The following RANBP17 variants were observed in gnomAD, a reference collection of about 807,000 sequenced individuals.
RANBP17 encodes RAN binding protein 17.
In RANBP17, 158 loss-of-function variants were observed where a neutral mutation model predicts 141.2. That is an observed-to-expected ratio of 1.12 (90% CI 0.98 to 1.28). RANBP17 has a LOEUF of 1.28. RANBP17 is among the 50% of genes most tolerant of loss of function. The pLI is 0.00. For missense variants in RANBP17, 1,438 were observed against 1,290.7 expected, an observed-to-expected ratio of 1.11 and a Z score of -1.75; for synonymous variants, 430 against 450.0, an observed-to-expected ratio of 0.96 and a Z score of 0.56.
chr5:170,968,754 T>C (rs1426605247), intron 14 of RANBP17: 1 of 455,010 alleles, frequency 2.2e-6, no homozygotes, highest in Non-Finnish European at 4.4e-6. Flanking sequence ...TATATTTCAC[T>C]AATTTCTTGG....
intron 14 of RANBP17, among the ~76,000 whole-genome samples, chr5:170,985,236 T>C (rs1021952602): frequency 3.9e-5 from 6 of 152,192 alleles, no homozygotes; most frequent in Non-Finnish European, 1.5e-5. Flanking sequence ...AATCCCTTTA[T>C]TCAAGCTTAC....
At chr5:170,902,290 C>G (rs1367879234) in intron 5 of RANBP17, among the ~76,000 whole-genome samples, 1 of 152,046 alleles carries the variant, frequency 6.6e-6, no homozygotes, top group Non-Finnish European at 1.5e-5. Context: ...TCTCTGATAT[C>G]CTTTCTTCCT....
intron 14 of RANBP17, among the ~76,000 whole-genome samples, chr5:170,985,713 A>T (rs964888831): frequency 5.3e-5 from 8 of 152,154 alleles, no homozygotes; most frequent in Non-Finnish European, 1.2e-4. Flanking sequence ...ATTCCAATTG[A>T]AGGATGTCAT....
intron 14 of RANBP17, among the ~76,000 whole-genome samples, chr5:171,134,094 A>G (rs1002456619): frequency 2.6e-5 from 4 of 152,206 alleles, no homozygotes; most frequent in African/African-American, 4.8e-5. Context: ...CCTAAATGGA[A>G]TATGCTGTTT....
At chr5:171,073,084 T>C (rs1022470590) in intron 14 of RANBP17, among the ~76,000 whole-genome samples, 3 of 152,138 alleles carry the variant, frequency 2.0e-5, no homozygotes, top group Non-Finnish European at 2.9e-5. Context: ...AGGGGTGTGA[T>C]AGAACTGTTG....
chr5:170,981,224 A>G (rs6867792), intron 14 of RANBP17, among the ~76,000 whole-genome samples: 97,817 of 152,098 alleles, frequency 0.64, 32,163 homozygotes, highest in South Asian at 0.89. Context: ...AGGCAGAAGG[A>G]ACTTGCCTTA....
chr5:170,929,212 C>T (rs555560938), intron 12 of RANBP17, among the ~76,000 whole-genome samples: 4 of 152,006 alleles, frequency 2.6e-5, no homozygotes, highest in Non-Finnish European at 4.4e-5. Context: ...TTCCAGTCTC[C>T]ATGCCTTTTG....
At chr5:171,060,320 T>C (rs245756) in intron 14 of RANBP17, among the ~76,000 whole-genome samples, 81,422 of 141,084 alleles carry the variant, frequency 0.58, 25,281 homozygotes, top group South Asian at 0.86. Context: ...ATAGCTCTTA[T>C]TATTTTGAGA....
intron 22 of RANBP17, among the ~76,000 whole-genome samples, chr5:171,227,097 C>G (rs190213809): frequency 2.6e-5 from 4 of 152,256 alleles, no homozygotes; most frequent in Non-Finnish European, 4.4e-5. Context: ...CAATGGCCTA[C>G]AAGTATTCAA....
At chr5:171,118,183 G>A (rs1755777802) in intron 14 of RANBP17, among the ~76,000 whole-genome samples, 2 of 152,064 alleles carry the variant, frequency 1.3e-5, no homozygotes, top group Non-Finnish European at 2.9e-5. Context: ...GTGAGAGTTG[G>A]AGGTCTAGTT....
At chr5:170,876,074 A>G (rs889391181) in intron 1 of RANBP17, among the ~76,000 whole-genome samples, 3 of 152,000 alleles carry the variant, frequency 2.0e-5, no homozygotes, top group African/African-American at 7.3e-5. Flanking sequence ...GCACCTGGAG[A>G]TGTCACCTGA....
intron 14 of RANBP17, among the ~76,000 whole-genome samples, chr5:171,052,238 T>C (rs1406819441): frequency 6.6e-6 from 1 of 152,200 alleles, no homozygotes; most frequent in Non-Finnish European, 1.5e-5. Context: ...TCTTTGAAGC[T>C]CAAGATTCTT....
chr5:171,167,605 A>T (rs1020124977), intron 14 of RANBP17, among the ~76,000 whole-genome samples: 2 of 152,214 alleles, frequency 1.3e-5, no homozygotes, highest in Middle Eastern at 3.2e-3. Flanking sequence ...GAGTTGTGGT[A>T]AAGCTAGTTT....
At position 171,132,852 on chromosome 5, in the gene RANBP17, A is replaced by G. The variant is rs1191313201; in HGVS notation, c.1711-37278A>G. ...TTCCAGAAGAAAATGTGTTTCAACT[A>G]AACTGTTAAATAATTCTTGAGATTA... On this transcript the variant is annotated intron_variant, in intron 14 of 27. Transcript: ENST00000523189. Among the ~76,000 whole-genome samples the G allele has an allele frequency of 3.9e-5, 6 of 152,290 alleles. No individual in the cohort carries two copies. The East Asian group carries it at 1.2e-3, about 29-fold the overall frequency.
chr5:171,064,230 T>C (rs1784135900), intron 14 of RANBP17, among the ~76,000 whole-genome samples: 1 of 152,222 alleles, frequency 6.6e-6, no homozygotes, highest in Non-Finnish European at 1.5e-5. Context: ...CAGATGGAAA[T>C]GCAGAAATCA....
At chr5:171,034,162 C>G (rs1250182427) in intron 14 of RANBP17, among the ~76,000 whole-genome samples, 3 of 151,912 alleles carry the variant, frequency 2.0e-5, no homozygotes, top group Non-Finnish European at 4.4e-5. Context: ...AAATGAAAGC[C>G]AGAAATTAGC....
chr5:171,120,155 C>G (rs185556026), intron 14 of RANBP17, among the ~76,000 whole-genome samples: 8 of 151,862 alleles, frequency 5.3e-5, no homozygotes, highest in African/African-American at 1.9e-4. Context: ...TTACTTTCTT[C>G]CAAACAAATG....
At chr5:171,055,627 T>C (rs1017716063) in intron 14 of RANBP17, among the ~76,000 whole-genome samples, 2 of 152,060 alleles carry the variant, frequency 1.3e-5, no homozygotes, top group African/African-American at 4.8e-5. Context: ...CAAATACCTA[T>C]GAGTTGAGCA....
intron 14 of RANBP17, among the ~76,000 whole-genome samples, chr5:170,986,221 A>G (rs1017043697): frequency 6.6e-6 from 1 of 152,062 alleles, no homozygotes; most frequent in African/African-American, 2.4e-5. Context: ...TAATTCATAA[A>G]TAAGTTTGTA....
Sources: gnomAD v4.1 joint callset for allele counts (sites outside exome capture counted in the v4.1 genomes callset) on GRCh38, gnomAD v4.1.1 for gene constraint, MANE v1.5 for transcripts, NCBI Gene and HGNC (gene_info 2026-07-23, HGNC 2026-07-21) for gene names.